The following MAGI1 variants were observed in gnomAD, a reference collection of about 807,000 sequenced individuals.
MAGI1 encodes the protein membrane associated guanylate kinase, WW and PDZ domain containing 1.
MAGI1 carries 58 observed loss-of-function variants against 139.9 expected under a neutral mutation model. That is an observed-to-expected ratio of 0.41 (90% CI 0.34 to 0.52). The LOEUF (loss-of-function observed/expected upper bound fraction) is 0.52, where lower values mean the gene tolerates loss of function less well. Ranked by LOEUF, MAGI1 falls within the 20% of genes least tolerant of loss-of-function variation. The pLI is 0.12. For synonymous variants in MAGI1, 812 were observed against 737.9 expected (o/e 1.10, Z -1.63); for missense variants, 1,874 against 1,901.6 (o/e 0.99, Z 0.27).
intron 1 of MAGI1, among the ~76,000 whole-genome samples, chr3:66,010,477 T>G (rs890278999): frequency 6.6e-6 from 1 of 152,168 alleles, no homozygotes; most frequent in African/African-American, 2.4e-5. Context: ...AGTAAAAGGC[T>G]GAATGAAAGA....
intron 1 of MAGI1, among the ~76,000 whole-genome samples, chr3:65,727,108 T>C (rs2033707438): frequency 6.6e-6 from 1 of 152,114 alleles, no homozygotes; most frequent in South Asian, 2.1e-4. Context: ...TGGCCAAATA[T>C]GTGTAGGAAG....
intron 2 of MAGI1, chr3:65,499,118 C>A (rs760254296): frequency 1.1e-5 from 9 of 783,148 alleles, no homozygotes; most frequent in African/African-American, 3.8e-5. Flanking sequence ...GTCAACTCCA[C>A]GATTTGTTTT....
At chr3:65,689,992 AG>A (rs751451813) in intron 1 of MAGI1, among the ~76,000 whole-genome samples, 2 of 152,070 alleles carry the variant, frequency 1.3e-5, no homozygotes, top group East Asian at 1.9e-4. Flanking sequence ...TCCCCGGCTC[AG>A]CACATGTTGT....
chr3:65,748,876 C>A lies in MAGI1; in HGVS notation c.314-126788G>T, dbSNP rs115411896. 3.5e-3 allele frequency among the ~76,000 whole-genome samples: 535 copies of A among 152,108 alleles called. 3 individuals carry two copies. Among genetic ancestry groups the A allele is most frequent in the African/African-American group, 0.012 (512 of 41,480 alleles). ...AGCACTTAAGACTGGTGAAATGACACGGACAAAAGGGCAGAAACAACACAG... is the reference window on the plus strand; with the variant it reads ...AGCACTTAAGACTGGTGAAATGACAAGGACAAAAGGGCAGAAACAACACAG... On this transcript the variant is annotated intron_variant, in intron 1 of 22. Transcript: ENST00000402939.
chr3:65,776,908 C>A (rs1012000759), intron 1 of MAGI1, among the ~76,000 whole-genome samples: 4 of 152,204 alleles, frequency 2.6e-5, no homozygotes, highest in African/African-American at 9.6e-5. Flanking sequence ...TATGTCTGCA[C>A]TGAACAGGGC....
intron 1 of MAGI1, among the ~76,000 whole-genome samples, chr3:65,735,735 C>T (rs2034669548): frequency 6.6e-6 from 1 of 152,164 alleles, no homozygotes; most frequent in African/African-American, 2.4e-5. Flanking sequence ...GGAGGCTCCA[C>T]AGTTAAAGAT....
intron 2 of MAGI1, among the ~76,000 whole-genome samples, chr3:65,586,279 C>G: frequency 6.6e-6 from 1 of 151,130 alleles, no homozygotes; most frequent in East Asian, 1.9e-4. Flanking sequence ...AAATCTAATA[C>G]CTTTATACAC....
intron 1 of MAGI1, among the ~76,000 whole-genome samples, chr3:65,624,091 T>C (rs533207064): frequency 7.2e-5 from 11 of 152,276 alleles, no homozygotes; most frequent in Non-Finnish European, 4.4e-5. Context: ...AAGTAACTAC[T>C]TGAATAACAA....
intron 1 of MAGI1, among the ~76,000 whole-genome samples, chr3:65,861,343 A>C (rs567307681): frequency 3.9e-5 from 6 of 152,208 alleles, no homozygotes; most frequent in Non-Finnish European, 5.9e-5. Flanking sequence ...CCCCACCCAA[A>C]GTTTCTGACC....
intron 2 of MAGI1, among the ~76,000 whole-genome samples, chr3:65,608,805 G>A (rs752347606): frequency 1.8e-4 from 27 of 152,206 alleles, no homozygotes; most frequent in Non-Finnish European, 3.5e-4. Context: ...TATGTCCATT[G>A]TATAAGAATG....
intron 1 of MAGI1, among the ~76,000 whole-genome samples, chr3:65,785,610 T>C (rs1287886093): frequency 6.6e-6 from 1 of 152,210 alleles, no homozygotes; most frequent in African/African-American, 2.4e-5. Context: ...ATGAAACATG[T>C]TATAAATACG....
chr3:65,432,589 C>T (rs1357844437), intron 10 of MAGI1, among the ~76,000 whole-genome samples: 1 of 152,188 alleles, frequency 6.6e-6, no homozygotes, highest in Non-Finnish European at 1.5e-5. Context: ...GGTTGACAAA[C>T]TACAGCCCTG....
intron 1 of MAGI1, among the ~76,000 whole-genome samples, chr3:65,986,872 T>A (rs1313665274): frequency 2.9e-5 from 1 of 34,216 alleles, no homozygotes; most frequent in Non-Finnish European, 9.7e-5. Flanking sequence ...AGGAAGGGAT[T>A]TTTTTTTTTT....
rs2083717184 is a variant in MAGI1 at position 65,622,244 on chromosome 3, G to A, written c.314-156C>T. 2.0e-5 allele frequency among the ~76,000 whole-genome samples: 3 copies of A among 152,166 alleles called. No homozygotes were observed. In the South Asian group the frequency reaches 6.2e-4, roughly 32 times the overall value. On this transcript the variant is annotated intron_variant, in intron 1 of 22. Coordinates refer to ENST00000402939, the MANE Select transcript of MAGI1 (RefSeq NM_001033057.2). ...GTACTTTAGGTTTTCCTCTGCAGGG[G>A]TAAAGTCAAGCCAGAATGTCATAAA...
intron 1 of MAGI1, among the ~76,000 whole-genome samples, chr3:65,958,936 G>C (rs112946586): frequency 0.085 from 12,855 of 151,958 alleles, 566 homozygotes; most frequent in Middle Eastern, 0.11. Context: ...ACAGTGAGCT[G>C]AGATCGTGCC....
At chr3:65,853,115 G>C (rs529487804) in intron 1 of MAGI1, among the ~76,000 whole-genome samples, 2 of 151,778 alleles carry the variant, frequency 1.3e-5, no homozygotes, top group East Asian at 3.9e-4. Context: ...GCATTGAGCC[G>C]AGATTTGTGC....
intron 14 of MAGI1, among the ~76,000 whole-genome samples, chr3:65,386,112 G>C (rs1350852277): frequency 1.3e-5 from 2 of 152,040 alleles, no homozygotes; most frequent in Non-Finnish European, 2.9e-5. Context: ...TTTAACACCA[G>C]AACATTTGCC....
intron 1 of MAGI1, among the ~76,000 whole-genome samples, chr3:65,641,104 T>C (rs56321059): frequency 0.17 from 25,406 of 148,748 alleles, 2,821 homozygotes; most frequent in Non-Finnish European, 0.25. Context: ...AATAAGCCTA[T>C]ATTAAAAAAA....
At chr3:65,472,504 T>C (rs1403031751) in intron 4 of MAGI1, among the ~76,000 whole-genome samples, 1 of 152,318 alleles carries the variant, frequency 6.6e-6, no homozygotes, top group African/African-American at 2.4e-5. Flanking sequence ...GAAAAAATGA[T>C]GTAGAAAACC....
Sources: allele counts gnomAD v4.1 joint callset (sites outside exome capture counted in the v4.1 genomes callset), GRCh38; gene constraint gnomAD v4.1.1; transcripts MANE v1.5; gene names NCBI Gene and HGNC (gene_info 2026-07-23, HGNC 2026-07-21).